The following NRDC variants were observed in gnomAD, a reference collection of about 807,000 sequenced individuals.
NRDC encodes nardilysin.
NRDC carries 54 observed loss-of-function variants against 147.1 expected under a neutral mutation model. The ratio of observed to expected loss-of-function variants is 0.37; its 90% confidence interval spans 0.29 to 0.46. NRDC has a LOEUF of 0.46. Ranked by LOEUF, NRDC falls within the 20% of genes least tolerant of loss-of-function variation. The pLI, the probability that NRDC is intolerant of heterozygous loss-of-function variation, is 1.00. For missense variants in NRDC, 1,082 were observed against 1,370.6 expected, an observed-to-expected ratio of 0.79 and a Z score of 3.33; for synonymous variants, 440 against 482.1, an observed-to-expected ratio of 0.91 and a Z score of 1.14.
chr1:51,842,074 A>T (rs1473776607), intron 1 of NRDC, among the ~76,000 whole-genome samples: 1 of 152,168 alleles, frequency 6.6e-6, no homozygotes, highest in Non-Finnish European at 1.5e-5. Context: ...TAGGAGGCTG[A>T]GGTTGGGAGG....
intron 1 of NRDC, among the ~76,000 whole-genome samples, chr1:51,873,868 T>C (rs1220259951): frequency 6.6e-6 from 1 of 151,822 alleles, no homozygotes; most frequent in Non-Finnish European, 1.5e-5. Flanking sequence ...AAAATTTAAA[T>C]TAGAAGGACT....
At chr1:51,792,459 C>A (rs1003870955) in intron 24 of NRDC, 35 bp from the exon 25 acceptor site, 1 of 1,607,710 alleles carries the variant, frequency 6.2e-7, no homozygotes, top group Non-Finnish European at 8.5e-7. Context: ...AACTGAATAT[C>A]CAGTGGTTTA....
Position 51,814,373 on chromosome 1 carries a change from G to T in NRDC, c.1619+178C>A, listed in dbSNP as rs1212260462. ...AAATAAAGGGACTGCCCACATATGTGTAAAGCCTTAGTATACAATCACATG... is the reference window on the plus strand; with the variant it reads ...AAATAAAGGGACTGCCCACATATGTTTAAAGCCTTAGTATACAATCACATG... On this transcript the variant is annotated intron_variant, in intron 13 of 30. Transcript: ENST00000352171. 6 of 611,230 alleles carry T rather than the reference G, an allele frequency of 9.8e-6. No homozygotes were observed. In the Admixed American group the frequency reaches 1.2e-4, roughly 13 times the overall value. 37.9% of individuals were successfully genotyped at this position (611,230 alleles called of 1,614,324 possible). A position where few individuals can be genotyped will look rare whatever the true frequency, so the allele number is the denominator to read the frequency against.
At position 51,849,747 on chromosome 1, in the gene NRDC, C is replaced by T. The variant is rs187085398; in HGVS notation, c.342-9233G>A. Reference sequence around the variant, plus strand: ...AGGAGAATGGTGTGAACCAGGGAGGCGGAGCTTGCAGTGAGCCGAGATCGC... The same window carrying T: ...AGGAGAATGGTGTGAACCAGGGAGGTGGAGCTTGCAGTGAGCCGAGATCGC... On this transcript the variant is annotated intron_variant, in intron 1 of 30. Coordinates refer to ENST00000352171, the MANE Select transcript of NRDC (RefSeq NM_001101662.2). Among the ~76,000 whole-genome samples the T allele has an allele frequency of 3.0e-4, 45 of 151,874 alleles. 1 individual carries two copies. Among genetic ancestry groups the T allele is most frequent in the Middle Eastern group, 6.8e-3 (2 of 294 alleles).
chr1:51,809,917 A>AG (rs891029859), intron 16 of NRDC, among the ~76,000 whole-genome samples: 7 of 151,792 alleles, frequency 4.6e-5, no homozygotes, highest in Non-Finnish European at 7.4e-5. Context: ...AAAAAAAAAA[A>AG]GAAAAGAAAA....
intron 1 of NRDC, among the ~76,000 whole-genome samples, chr1:51,876,060 A>G (rs577869720): frequency 1.6e-4 from 24 of 152,362 alleles, no homozygotes; most frequent in African/African-American, 5.5e-4. Flanking sequence ...AAATTTACCA[A>G]AAATGAGGTC....
chr1:51,835,467 G>GTTTTTTTTTTT (rs951683379), intron 3 of NRDC, among the ~76,000 whole-genome samples: 5 of 114,624 alleles, frequency 4.4e-5, no homozygotes, highest in African/African-American at 1.8e-4. Context: ...TTTGTTTCTT[G>GTTTTTTTTTTT]TTTTTTTTTT....
intron 19 of NRDC, 33 bp from the exon 20 acceptor site, chr1:51,803,997 A>G (rs771622024): frequency 2.6e-6 from 4 of 1,537,430 alleles, no homozygotes; most frequent in South Asian, 2.5e-5. Context: ...GGCATCTTTA[A>G]TTGGTAAGAA....
At chr1:51,843,957 GA>G (rs1208934478) in intron 1 of NRDC, among the ~76,000 whole-genome samples, 1 of 151,352 alleles carries the variant, frequency 6.6e-6, no homozygotes, top group Non-Finnish European at 1.5e-5. Flanking sequence ...AAACAGAACA[GA>G]AAAAATCTAA....
intron 11 of NRDC, 80 bp from the exon 12 acceptor site, chr1:51,814,893 G>A: frequency 7.4e-7 from 1 of 1,357,786 alleles, no homozygotes; most frequent in Non-Finnish European, 9.8e-7. Context: ...AAAATATAGA[G>A]GCTTTCTATG....
At chr1:51,842,569 T>C (rs569949330) in intron 1 of NRDC, among the ~76,000 whole-genome samples, 3 of 152,220 alleles carry the variant, frequency 2.0e-5, no homozygotes, top group African/African-American at 7.2e-5. Context: ...CAGTGGAATA[T>C]TGTAACACAG....
chr1:51,868,476 A>C (rs1054085011), intron 1 of NRDC, among the ~76,000 whole-genome samples: 7 of 152,232 alleles, frequency 4.6e-5, no homozygotes, highest in African/African-American at 1.7e-4. Context: ...GTTTGTTAGA[A>C]GGAATAAAAT....
chr1:51,832,644 C>T (rs1680771856), intron 4 of NRDC, among the ~76,000 whole-genome samples: 1 of 151,922 alleles, frequency 6.6e-6, no homozygotes, highest in East Asian at 1.9e-4. Context: ...CTACTTTTTT[C>T]CGGGGTAGAC....
chr1:51,834,105 C>T lies in NRDC; in HGVS notation c.778G>A (p.Gly260Arg). ...NGFDAFLKKH[G>R]GSDNASTDCE... ...TCAGTTGAGGCATTATCACTACCCC[C>T]ATGCTTCTTCAGGAAGGCATCAAAT... is the stretch of plus-strand genomic sequence containing the variant. Residue 260 changes from glycine (G) to arginine (R), a missense_variant, in exon 4 of 31, where the codon GGG becomes AGG. Physicochemically the swap from Gly to Arg is moderately radical, Grantham distance 125. Transcript: ENST00000352171. 1.9e-6 allele frequency: 3 copies of T among 1,614,084 alleles called. No homozygotes were observed. Among genetic ancestry groups the T allele is most frequent in the Non-Finnish European group, 2.5e-6 (3 of 1,179,970 alleles).
intron 6 of NRDC, among the ~76,000 whole-genome samples, chr1:51,824,654 C>A (rs1680364119): frequency 6.6e-6 from 1 of 152,038 alleles, no homozygotes; most frequent in South Asian, 2.1e-4. Flanking sequence ...ACTAGATGAA[C>A]AAAATTAAGT....
At chr1:51,820,617 C>T (rs1680169577) in intron 8 of NRDC, among the ~76,000 whole-genome samples, 2 of 151,990 alleles carry the variant, frequency 1.3e-5, no homozygotes, top group South Asian at 4.1e-4. Flanking sequence ...TCTTGATTAC[C>T]TTTACATACC....
At chr1:51,857,033 A>G (rs1367238256) in intron 1 of NRDC, among the ~76,000 whole-genome samples, 1 of 152,242 alleles carries the variant, frequency 6.6e-6, no homozygotes, top group Admixed American at 6.5e-5. Flanking sequence ...AAAGACTTTA[A>G]CAAGGGCTAT....
intron 1 of NRDC, among the ~76,000 whole-genome samples, chr1:51,846,908 A>G (rs998342330): frequency 6.6e-6 from 1 of 152,072 alleles, no homozygotes; most frequent in African/African-American, 2.4e-5. Flanking sequence ...GCTAGACACA[A>G]AAGTTCTCCA....
chr1:51,811,850 G>A (rs567906330), intron 15 of NRDC, 144 bp downstream of exon 15: 7 of 523,280 alleles, frequency 1.3e-5, no homozygotes, highest in South Asian at 9.8e-5. Context: ...TCACAAAACT[G>A]TTGATACTTC....
Sources: gnomAD v4.1 joint callset for allele counts (sites outside exome capture counted in the v4.1 genomes callset) on GRCh38, gnomAD v4.1.1 for gene constraint, MANE v1.5 for transcripts, NCBI Gene and HGNC (gene_info 2026-07-23, HGNC 2026-07-21) for gene names.